The following ATP10A variants were observed in gnomAD, a reference collection of about 807,000 sequenced individuals.
ATP10A encodes the protein phospholipid-transporting ATPase VA.
In ATP10A, 111 loss-of-function variants were observed where a neutral mutation model predicts 147.8. The ratio of observed to expected loss-of-function variants is 0.75; its 90% CI spans 0.64 to 0.88. ATP10A has a LOEUF of 0.88. Ranked by LOEUF, ATP10A falls within the 40% of genes least tolerant of loss-of-function variation. The pLI is 0.00. For missense variants in ATP10A, 1,927 were observed against 1,959.0 expected, an observed-to-expected ratio of 0.98 and a Z score of 0.31; for synonymous variants, 875 against 841.6, an observed-to-expected ratio of 1.04 and a Z score of -0.69.
At chr15:25,803,880 G>A (rs1891049899) in intron 1 of ATP10A, among the ~76,000 whole-genome samples, 1 of 152,236 alleles carries the variant, frequency 6.6e-6, no homozygotes, top group Admixed American at 6.5e-5. Flanking sequence ...GCACGCACGT[G>A]CTGCTGCTGG....
chr15:25,777,910 C>T (rs1889699874), intron 2 of ATP10A, among the ~76,000 whole-genome samples: 1 of 151,606 alleles, frequency 6.6e-6, no homozygotes, highest in South Asian at 2.1e-4. Flanking sequence ...CTGTTCCTGG[C>T]TCCTATATTC....
chr15:25,741,362 G>A (rs982551414), intron 2 of ATP10A, among the ~76,000 whole-genome samples: 2 of 152,162 alleles, frequency 1.3e-5, no homozygotes, highest in African/African-American at 4.8e-5. Context: ...TCTCCCAAGA[G>A]GGCCTGCTGA....
At chr15:25,779,851 C>CATAAAAGAAGGTTA (rs2140701618) in intron 2 of ATP10A, among the ~76,000 whole-genome samples, 1 of 70,134 alleles carries the variant, frequency 1.4e-5, no homozygotes, top group South Asian at 7.4e-4. Context: ...TTAAAACACA[C>CATAAAAGAAGGTTA]ACACACACAC....
At chr15:25,742,301 G>A (rs1003927742) in intron 2 of ATP10A, among the ~76,000 whole-genome samples, 29 of 152,316 alleles carry the variant, frequency 1.9e-4, no homozygotes, top group African/African-American at 7.0e-4. Flanking sequence ...GGAGGCTCAC[G>A]CCTCAGAGAA....
chr15:25,770,729 G>C (rs1386589858), intron 2 of ATP10A, among the ~76,000 whole-genome samples: 1 of 152,170 alleles, frequency 6.6e-6, no homozygotes, highest in Non-Finnish European at 1.5e-5. Context: ...CCAGGGACAG[G>C]CAAGAGGCCT....
Position 25,694,906 on chromosome 15 carries a change from CG to C in ATP10A, c.3000del (p.Val1001SerfsTer15), listed in dbSNP as rs1900230848. Reference sequence around the variant, plus strand: ...AGAGGCGTCGACCGACAGCAGAGGACGGAGCGGCACTGCTTGGCAAGGAAGA... The same window carrying C: ...AGAGGCGTCGACCGACAGCAGAGGACGAGCGGCACTGCTTGGCAAGGAAGA... Reference protein sequence around the residue: ...KFLFLAKQCRSVLCCRSTPLQ... With the variant: ...KFLFLAKQCRXVLCCRSTPLQ... On this transcript the variant is annotated frameshift_variant, in exon 14 of 21. Transcript: ENST00000555815. LOFTEE classifies it high-confidence loss of function. 1 of 1,614,116 alleles carries C rather than the reference CG, an allele frequency of 6.2e-7. No homozygotes were observed. Among genetic ancestry groups the C allele is most frequent in the South Asian group, 1.1e-5 (1 of 91,082 alleles).
intron 2 of ATP10A, among the ~76,000 whole-genome samples, chr15:25,760,707 A>C (rs1888715066): frequency 6.6e-6 from 1 of 152,218 alleles, no homozygotes; most frequent in Admixed American, 6.5e-5. Flanking sequence ...GGAGCTGGGC[A>C]CGGTGGCTCA....
At chr15:25,855,073 A>C (rs1893454057) in intron 1 of ATP10A, among the ~76,000 whole-genome samples, 1 of 151,638 alleles carries the variant, frequency 6.6e-6, no homozygotes, top group African/African-American at 2.4e-5. Flanking sequence ...AAAAAAAAAA[A>C]AAAACAGAAA....
intron 1 of ATP10A, among the ~76,000 whole-genome samples, chr15:25,786,396 A>T (rs1228592838): frequency 6.6e-6 from 1 of 152,156 alleles, no homozygotes; most frequent in African/African-American, 2.4e-5. Context: ...TTCCAGTGGC[A>T]CATCCATGAA....
intron 1 of ATP10A, among the ~76,000 whole-genome samples, chr15:25,835,147 T>C (rs1892536802): frequency 6.6e-6 from 1 of 152,126 alleles, no homozygotes; most frequent in African/African-American, 2.4e-5. Context: ...CATGAGCTTG[T>C]GCTTCCAGCT....
intron 1 of ATP10A, among the ~76,000 whole-genome samples, chr15:25,794,894 G>GCCA (rs1890596959): frequency 6.6e-6 from 1 of 152,112 alleles, no homozygotes; most frequent in African/African-American, 2.4e-5. Flanking sequence ...TGGAAGGTGT[G>GCCA]CCATTCCCAT....
chr15:25,802,542 A>G (rs1890987017), intron 1 of ATP10A, among the ~76,000 whole-genome samples: 1 of 152,180 alleles, frequency 6.6e-6, no homozygotes, highest in East Asian at 1.9e-4. Context: ...TCAGAATTCC[A>G]ACACAGGGCC....
At chr15:25,793,046 T>G (rs1004220062) in intron 1 of ATP10A, among the ~76,000 whole-genome samples, 8 of 152,090 alleles carry the variant, frequency 5.3e-5, no homozygotes, top group Admixed American at 5.2e-4. Context: ...AATTTTTGTA[T>G]TTTTAGTAGA....
At chr15:25,735,507 A>G (rs138683383) in intron 3 of ATP10A, among the ~76,000 whole-genome samples, 2 of 152,268 alleles carry the variant, frequency 1.3e-5, no homozygotes, top group East Asian at 3.9e-4. Flanking sequence ...CTGGCCTACT[A>G]GACACACTCT....
Position 25,824,056 on chromosome 15 carries a change from C to T in ATP10A, c.449+38592G>A, listed in dbSNP as rs186802549. Reference sequence around the variant, plus strand: ...TACGAAAATGGGGGCTGTAGTTTACCAACCCCCACCACTTACTAAAAATTT... The same window carrying T: ...TACGAAAATGGGGGCTGTAGTTTACTAACCCCCACCACTTACTAAAAATTT... On this transcript the variant is annotated intron_variant, in intron 1 of 20. Transcript: ENST00000555815. Among the ~76,000 whole-genome samples, 6 of 152,256 alleles carry T rather than the reference C, an allele frequency of 3.9e-5. No individual in the cohort carries two copies. The East Asian group carries it at 1.2e-3, about 29-fold the overall frequency.
intron 2 of ATP10A, among the ~76,000 whole-genome samples, chr15:25,771,050 A>G (rs1889306914): frequency 6.6e-6 from 1 of 152,116 alleles, no homozygotes; most frequent in Admixed American, 6.5e-5. Flanking sequence ...GCTGTTTATA[A>G]GCGGTAGTGG....
At chr15:25,731,540 C>T (rs1195840059) in intron 3 of ATP10A, among the ~76,000 whole-genome samples, 1 of 152,096 alleles carries the variant, frequency 6.6e-6, no homozygotes, top group Non-Finnish European at 1.5e-5. Context: ...TGACCACATG[C>T]CATAAAGTTG....
intron 3 of ATP10A, among the ~76,000 whole-genome samples, chr15:25,728,713 A>G (rs1420097988): frequency 1.3e-5 from 2 of 152,244 alleles, no homozygotes. Flanking sequence ...AGAAACAAGA[A>G]AAATGTTCTA....
chr15:25,727,567 G>T (rs750509453), intron 3 of ATP10A, among the ~76,000 whole-genome samples: 1 of 152,158 alleles, frequency 6.6e-6, no homozygotes, highest in Non-Finnish European at 1.5e-5. Context: ...CCACTAGGAA[G>T]GGCAAACTCC....
Sources: gnomAD v4.1 joint callset for allele counts (sites outside exome capture counted in the v4.1 genomes callset) on GRCh38, gnomAD v4.1.1 for gene constraint, MANE v1.5 for transcripts, NCBI Gene and HGNC (gene_info 2026-07-23, HGNC 2026-07-21) for gene names.